The following CADM2 variants were observed in gnomAD, a reference collection of about 807,000 sequenced individuals.
CADM2 encodes immunoglobulin superfamily member 4D.
Under a neutral mutation model 49.8 loss-of-function variants are expected in CADM2, and 12 were observed. The ratio of observed to expected loss-of-function variants is 0.24; its 90% CI spans 0.15 to 0.39. The LOEUF is 0.39. Ranked by LOEUF, CADM2 falls within the 10% of genes least tolerant of loss-of-function variation. The probability of loss-of-function intolerance (pLI) is 1.00; values close to 1 mark genes in which losing one functional copy is unlikely to be tolerated. For synonymous variants in CADM2, 214 were observed against 175.4 expected, an observed-to-expected ratio of 1.22 and a Z score of -1.74; for missense variants, 378 against 492.3, an observed-to-expected ratio of 0.77 and a Z score of 2.20.
chr3:85,724,282 A>G (rs949563064), intron 1 of CADM2, among the ~76,000 whole-genome samples: 1 of 151,874 alleles, frequency 6.6e-6, no homozygotes, highest in African/African-American at 2.4e-5. Context: ...TATGTAATAT[A>G]CTTGCACACT....
chr3:85,192,599 C>CATATATAT (rs71859231), intron 1 of CADM2, among the ~76,000 whole-genome samples: 1 of 146,748 alleles, frequency 6.8e-6, no homozygotes, highest in African/African-American at 2.5e-5. Flanking sequence ...TATATGAATT[C>CATATATAT]ATATATATAT....
intron 1 of CADM2, among the ~76,000 whole-genome samples, chr3:85,672,117 T>C (rs1422946384): frequency 6.6e-6 from 1 of 152,036 alleles, no homozygotes; most frequent in Admixed American, 6.6e-5. Context: ...CATATAGTTA[T>C]TCAAACATAA....
chr3:85,885,885 T>TA, intron 4 of CADM2, among the ~76,000 whole-genome samples: 1 of 150,986 alleles, frequency 6.6e-6, no homozygotes, highest in East Asian at 2.0e-4. Context: ...CAATTTAATT[T>TA]AAAAAACTAC....
At chr3:85,306,365 T>TTAATCAAAAAACAAATTAG (rs1553706856) in intron 1 of CADM2, among the ~76,000 whole-genome samples, 1 of 151,740 alleles carries the variant, frequency 6.6e-6, no homozygotes, top group African/African-American at 2.4e-5. Context: ...AAAAACAAAT[T>TTAATCAAAAAACAAATTAG]ATTGACTTCA....
At chr3:85,633,847 A>G (rs1025609408) in intron 1 of CADM2, among the ~76,000 whole-genome samples, 4 of 152,122 alleles carry the variant, frequency 2.6e-5, no homozygotes, top group African/African-American at 9.7e-5. Context: ...TTTGTATAAT[A>G]TAACAAACAA....
At chr3:85,614,236 T>A (rs111636514) in intron 1 of CADM2, among the ~76,000 whole-genome samples, 2,705 of 143,262 alleles carry the variant, frequency 0.019, 82 homozygotes, top group African/African-American at 0.075. Context: ...AGTATAATTG[T>A]GCATTAAAAA....
At chr3:85,599,821 A>G (rs534611568) in intron 1 of CADM2, among the ~76,000 whole-genome samples, 1 of 152,072 alleles carries the variant, frequency 6.6e-6, no homozygotes, top group African/African-American at 2.4e-5. Context: ...TTTATAATTG[A>G]CCCTCTTAGA....
At chr3:85,978,453 C>A (rs1727063557) in intron 8 of CADM2, among the ~76,000 whole-genome samples, 2 of 151,670 alleles carry the variant, frequency 1.3e-5, no homozygotes, top group Admixed American at 1.3e-4. Context: ...AAATCATAAA[C>A]CTTTCAGAAT....
intron 1 of CADM2, among the ~76,000 whole-genome samples, chr3:85,111,577 CACAG>C (rs1575892590): frequency 6.6e-6 from 1 of 151,852 alleles, no homozygotes; most frequent in East Asian, 1.9e-4. Context: ...CAATTGAACT[CACAG>C]ACAGAGAGTG....
chr3:85,765,478 C>A (rs1442839223), intron 2 of CADM2, among the ~76,000 whole-genome samples: 4 of 152,010 alleles, frequency 2.6e-5, no homozygotes, highest in Admixed American at 6.6e-5. Context: ...CAATCCTCAA[C>A]TCCAATCTAT....
chr3:85,827,280 C>A (rs1164354755), intron 3 of CADM2, among the ~76,000 whole-genome samples: 2 of 152,056 alleles, frequency 1.3e-5, no homozygotes, highest in East Asian at 3.9e-4. Flanking sequence ...GTAGAAATTG[C>A]AGTCTCTTTT....
intron 1 of CADM2, among the ~76,000 whole-genome samples, chr3:85,298,178 G>A (rs1446695389): frequency 1.3e-5 from 2 of 152,038 alleles, no homozygotes; most frequent in Non-Finnish European, 2.9e-5. Flanking sequence ...TCAGCTGCAG[G>A]TTGACATTGC....
At chr3:85,768,767 T>C (rs1194049389) in intron 2 of CADM2, among the ~76,000 whole-genome samples, 1 of 135,950 alleles carries the variant, frequency 7.4e-6, no homozygotes, top group African/African-American at 2.8e-5. Flanking sequence ...ATAGTATATA[T>C]ACACATATAT....
chr3:85,469,483 T>C (rs923442883), intron 1 of CADM2, among the ~76,000 whole-genome samples: 1 of 152,084 alleles, frequency 6.6e-6, no homozygotes. Flanking sequence ...ATTCAAATGA[T>C]AGGAGTGGCC....
At chr3:84,976,504 A>C (rs1359712750) in intron 1 of CADM2, among the ~76,000 whole-genome samples, 4 of 151,776 alleles carry the variant, frequency 2.6e-5, no homozygotes, top group Non-Finnish European at 5.9e-5. Context: ...ATAGAAATCT[A>C]TTGGTTATTT....
chr3:85,667,625 T>G (rs1164536690), intron 1 of CADM2, among the ~76,000 whole-genome samples: 1 of 152,034 alleles, frequency 6.6e-6, no homozygotes, highest in Non-Finnish European at 1.5e-5. Context: ...CAGATGTCTC[T>G]CTGAATTTTC....
intron 2 of CADM2, among the ~76,000 whole-genome samples, chr3:85,772,036 G>A (rs547985483): frequency 4.1e-5 from 5 of 122,266 alleles, no homozygotes; most frequent in African/African-American, 1.3e-4. Flanking sequence ...TTTGGTACGT[G>A]TATAAAATGT....
chr3:85,140,626 A>G (rs1165281893), intron 1 of CADM2, among the ~76,000 whole-genome samples: 1 of 152,136 alleles, frequency 6.6e-6, no homozygotes, highest in Non-Finnish European at 1.5e-5. Context: ...AGCTTGCATT[A>G]TTGTGTTGAG....
At chr3:85,497,808 A>G (rs1269482617) in intron 1 of CADM2, among the ~76,000 whole-genome samples, 1 of 152,112 alleles carries the variant, frequency 6.6e-6, no homozygotes, top group African/African-American at 2.4e-5. Flanking sequence ...CATCTTTTCT[A>G]AAGCTATCTA....
Sources: allele counts gnomAD v4.1 joint callset (sites outside exome capture counted in the v4.1 genomes callset), GRCh38; gene constraint gnomAD v4.1.1; transcripts MANE v1.5; gene names NCBI Gene and HGNC (gene_info 2026-07-23, HGNC 2026-07-21).